The following LSG1 variants were observed in gnomAD, a reference collection of about 807,000 sequenced individuals.
The protein encoded by LSG1 is large subunit GTPase 1 homolog.
Under a neutral mutation model 82.6 loss-of-function variants are expected in LSG1, and 55 were observed. The ratio of observed to expected loss-of-function variants is 0.67; its 90% confidence interval spans 0.54 to 0.83. The LOEUF (loss-of-function observed/expected upper bound fraction) is 0.83, where lower values mean the gene tolerates loss of function less well. Ranked by LOEUF, LSG1 falls within the 40% of genes least tolerant of loss-of-function variation. The pLI, the probability that LSG1 is intolerant of heterozygous loss-of-function variation, is 0.00. For missense variants in LSG1, 809 were observed against 807.9 expected (o/e 1.00, Z -0.02); for synonymous variants, 272 against 282.5 (o/e 0.96, Z 0.37).
chr3:194,670,043 A>G lies in LSG1; in HGVS notation c.192T>C (p.Ala64=). The G allele has an allele frequency of 6.2e-7, 1 of 1,614,184 alleles. No homozygotes were observed. Among genetic ancestry groups the G allele is most frequent in the Non-Finnish European group, 8.5e-7 (1 of 1,180,004 alleles). The stretch of plus-strand genomic sequence containing the variant: ...ACTCTGTTCCTGCAAGTTCTGCAGT[A>G]GCAAGGAAGTCATCAAGGGAGCTCT... ...TEQSSLDDFL[A]TAELAGTEFV... The change falls in exon 2 of 14, where the codon GCT becomes GCC. Residue 64 remains alanine, a synonymous_variant. Coordinates refer to ENST00000265245, the MANE Select transcript of LSG1 (RefSeq NM_018385.3).
chr3:194,660,156 A>G (rs764115266), intron 5 of LSG1, 23 bp from the exon 6 acceptor site: 18 of 1,602,162 alleles, frequency 1.1e-5, no homozygotes, highest in Admixed American at 3.3e-5. Context: ...CACGAGATAG[A>G]CCAATCACCG....
At position 194,669,995 on chromosome 3, in the gene LSG1, A is replaced by G. The variant is rs750321205; in HGVS notation, c.226+14T>C. 4 of 1,613,086 alleles carry G rather than the reference A, an allele frequency of 2.5e-6. No homozygotes were observed. Among genetic ancestry groups the G allele is most frequent in the East Asian group, 4.5e-5 (2 of 44,866 alleles). ...TGTGACAGTCTCACCTGCACTCAGC[A>G]ATAAACAACTTACCAGCTACAAACT... On this transcript the variant is annotated intron_variant, in intron 2 of 13. Transcript: ENST00000265245.
At chr3:194,646,374 A>C in intron 11 of LSG1, 131 bp from the exon 12 acceptor site, 1 of 641,050 alleles carries the variant, frequency 1.6e-6, no homozygotes, top group Non-Finnish European at 2.8e-6. Flanking sequence ...TCATTGTAGA[A>C]TATATATTGT....
In LSG1 at chr3:194,652,903, G is replaced by A; in HGVS notation, c.999C>T (p.Ser333=). Residue 333 remains serine (S), a synonymous_variant, in exon 8 of 14, where the codon AGC becomes AGT. Transcript: ENST00000265245. The part of the protein sequence containing the change: ...EEDGPKEEDC[S]QDWKESSTAD... ...CAGTAGAGCTTTCCTTCCAGTCCTG[G>A]CTGCAGTCCTCTTCCTTGGGACCGT... 6.2e-7 allele frequency: 1 copy of A among 1,614,116 alleles called. No homozygotes were observed. The highest frequency in any genetic ancestry group is 8.5e-7 in the Non-Finnish European group (1 of 1,180,040).
In LSG1 at chr3:194,641,941, G is replaced by A. The variant is rs531763821; in HGVS notation, c.*127C>T. 1.0e-5 allele frequency: 10 copies of A among 1,002,684 alleles called. No homozygotes were observed. The South Asian group carries it at 1.5e-4, about 15-fold the overall frequency. The allele number at this position is 1,002,684 out of a possible 1,614,324, so 62.1% of individuals were successfully genotyped here. A position where few individuals can be genotyped will look rare whatever the true frequency, so the allele number is the denominator to read the frequency against. On this transcript the variant is annotated 3_prime_UTR_variant, in exon 14 of 14. Coordinates refer to ENST00000265245, the MANE Select transcript of LSG1 (RefSeq NM_018385.3). ...CTTGACATGGAGACTGTTGGGTGCA[G>A]CCGTGCTCTGCAAGAGCAGGGCCCG...
At chr3:194,644,513 A>C (rs950357877) in intron 13 of LSG1, 60 bp downstream of exon 13, 5 of 1,379,980 alleles carry the variant, frequency 3.6e-6, no homozygotes, top group Non-Finnish European at 5.0e-6. Flanking sequence ...TGTGATACTC[A>C]ATAAAGCTGT....
intron 2 of LSG1, among the ~76,000 whole-genome samples, chr3:194,668,718 A>G (rs1424645676): frequency 6.6e-6 from 1 of 152,198 alleles, no homozygotes; most frequent in African/African-American, 2.4e-5. Flanking sequence ...TAAAAAATGA[A>G]ATCTCATGTA....
At chr3:194,652,600 T>C in intron 8 of LSG1, 129 bp downstream of exon 8, 2 of 973,462 alleles carry the variant, frequency 2.1e-6, no homozygotes, top group South Asian at 3.2e-5. Flanking sequence ...GTGATGCCAG[T>C]GGGCAACAAG....
intron 5 of LSG1, among the ~76,000 whole-genome samples, chr3:194,664,722 T>C (rs1048669851): frequency 3.3e-5 from 5 of 151,780 alleles, no homozygotes; most frequent in African/African-American, 1.2e-4. Flanking sequence ...GAGACCAGCC[T>C]GACCAACATG....
chr3:194,662,273 T>A (rs1718949799), intron 5 of LSG1, among the ~76,000 whole-genome samples: 1 of 152,162 alleles, frequency 6.6e-6, no homozygotes, highest in African/African-American at 2.4e-5. Context: ...AGGCTAGGGT[T>A]TATTATGGAG....
In LSG1 at chr3:194,651,175, G is replaced by A. The variant is rs201162082; in HGVS notation, c.1215C>T (p.Thr405=). Residue 405 remains threonine (T), a synonymous_variant, in exon 9 of 14, where the codon ACC becomes ACT. Coordinates refer to ENST00000265245, the MANE Select transcript of LSG1 (RefSeq NM_018385.3). ...CAGATACTTTCTTGTTGCCCATGAT[G>A]GTGTTGATTGTTGAACTCTTACCAA... ...PNVGKSSTIN[T]IMGNKKVSVS... The A allele has an allele frequency of 2.5e-5, 40 of 1,614,186 alleles. No individual in the cohort carries two copies. The Middle Eastern group carries it at 4.9e-4, about 20-fold the overall frequency.
chr3:194,660,215 A>T, intron 5 of LSG1, 82 bp from the exon 6 acceptor site: 2 of 1,055,040 alleles, frequency 1.9e-6, no homozygotes, highest in Non-Finnish European at 3.0e-6. Context: ...CAGAGTAGCA[A>T]ACCCTGGCAA....
In LSG1 at chr3:194,653,127, C is replaced by T. The variant is rs761115378; in HGVS notation, c.775G>A (p.Asp259Asn). ...NGDSEEEANR[D>N]DRQSNTTKFG... is the part of the protein sequence containing the mutation. Reference sequence around the variant, plus strand: ...TTGGTTGTGTTGCTTTGTCTATCATCTCTGTTTGCCTCTTCCTGACAAAAT... The same window carrying T: ...TTGGTTGTGTTGCTTTGTCTATCATTTCTGTTTGCCTCTTCCTGACAAAAT... The change falls in exon 8 of 14, where the codon GAT becomes AAT. Residue 259 changes from aspartate (D) to asparagine (N), a missense_variant. Coordinates refer to ENST00000265245, the MANE Select transcript of LSG1 (RefSeq NM_018385.3). 1 of 1,613,230 alleles carries T rather than the reference C, an allele frequency of 6.2e-7. No homozygotes were observed. The highest frequency in any genetic ancestry group is 1.3e-5 in the African/African-American group (1 of 74,906).
intron 2 of LSG1, 107 bp from the exon 3 acceptor site, chr3:194,666,679 T>A: frequency 1.1e-6 from 1 of 898,576 alleles, no homozygotes; most frequent in Non-Finnish European, 1.7e-6. Flanking sequence ...TAAGAGAACT[T>A]AAGATTTCTT....
chr3:194,648,999 A>G (rs2108616239), intron 10 of LSG1, 195 bp from the exon 11 acceptor site: 1 of 497,994 alleles, frequency 2.0e-6, no homozygotes, highest in South Asian at 3.0e-5. Flanking sequence ...TTAAGCTCCC[A>G]CGACTTTTCC....
intron 5 of LSG1, among the ~76,000 whole-genome samples, chr3:194,661,276 C>A (rs1345564137): frequency 6.6e-6 from 1 of 152,138 alleles, no homozygotes; most frequent in Non-Finnish European, 1.5e-5. Flanking sequence ...GGTAATAATG[C>A]ACTTTCAAAC....
Position 194,641,983 on chromosome 3 carries a change from T to A in LSG1, c.*85A>T. 1 of 1,458,278 alleles carries A rather than the reference T, an allele frequency of 6.9e-7. No individual in the cohort carries two copies. The highest frequency in any genetic ancestry group is 9.4e-7 in the Non-Finnish European group (1 of 1,062,986). 90.3% of individuals were successfully genotyped at this position (1,458,278 alleles called of 1,614,324 possible). A position where few individuals can be genotyped will look rare whatever the true frequency, so the allele number is the denominator to read the frequency against. ...CAGGGCCCGTTCTACAGTGCTAGTG[T>A]CTTGGGACGGTTCCACAGGCAACAG... On this transcript the variant is annotated 3_prime_UTR_variant, in exon 14 of 14. Transcript: ENST00000265245.
chr3:194,666,530 C>T lies in LSG1; in HGVS notation c.269G>A (p.Gly90Glu), dbSNP rs1280901518. ...IKFVPAEART[G>E]LLSFEESQRI... ...CTGGCTCTCCTCGAAAGACAGTAGT[C>T]CAGTTCTAGCCTCAGCAGGCACAAA... The change falls in exon 3 of 14, where the codon GGA becomes GAA. Residue 90 changes from glycine to glutamate, a missense_variant. By Grantham distance (98) the Gly-to-Glu change is moderately conservative. Transcript: ENST00000265245. The T allele has an allele frequency of 1.9e-6, 3 of 1,612,914 alleles. No homozygotes were observed. Among genetic ancestry groups the T allele is most frequent in the South Asian group, 2.2e-5 (2 of 90,968 alleles).
intron 7 of LSG1, among the ~76,000 whole-genome samples, chr3:194,653,811 G>A (rs1167202106): frequency 1.3e-5 from 2 of 152,174 alleles, no homozygotes; most frequent in Non-Finnish European, 2.9e-5. Flanking sequence ...GAGGTGGGAG[G>A]ATCGCTCAAG....
Sources: gnomAD v4.1 joint callset for allele counts (sites outside exome capture counted in the v4.1 genomes callset) on GRCh38, gnomAD v4.1.1 for gene constraint, MANE v1.5 for transcripts, NCBI Gene and HGNC (gene_info 2026-07-23, HGNC 2026-07-21) for gene names.